CAPS2: variants seen among roughly 807,000 people sequenced by gnomAD.
The protein encoded by CAPS2 is calcyphosine 2.
In CAPS2, 98 loss-of-function variants were observed where a neutral mutation model predicts 86.5. That is an observed-to-expected ratio of 1.13 (90% confidence interval 0.96 to 1.34). The LOEUF is 1.34. CAPS2 is among the 40% of genes most tolerant of loss of function. The pLI is 0.00. For missense variants in CAPS2, 729 were observed against 686.8 expected (o/e 1.06, Z -0.69); for synonymous variants, 210 against 225.1 (o/e 0.93, Z 0.60).
intron 16 of CAPS2, 130 bp downstream of exon 16, chr12:75,282,121 G>C: frequency 6.2e-6 from 4 of 645,932 alleles, no homozygotes; most frequent in Non-Finnish European, 1.1e-5. Context: ...TAGTTCATAA[G>C]TTTCCAGTTC....
intron 1 of CAPS2, chr12:75,343,846 C>G (rs1176264366): frequency 1.2e-6 from 2 of 1,612,744 alleles, no homozygotes; most frequent in Middle Eastern, 1.6e-4. Flanking sequence ...GTCATTCACA[C>G]CAAGACATGC....
chr12:75,336,619 A>T (rs1262799160), intron 1 of CAPS2, among the ~76,000 whole-genome samples: 1 of 151,816 alleles, frequency 6.6e-6, no homozygotes, highest in Non-Finnish European at 1.5e-5. Flanking sequence ...GCAATCTTCA[A>T]TACAAATAAA....
intron 7 of CAPS2, chr12:75,305,490 C>G (rs1014926258): frequency 6.8e-6 from 4 of 586,428 alleles, no homozygotes; most frequent in Non-Finnish European, 1.3e-5. Context: ...ACTTTGCAGC[C>G]GAGGCCTCCA....
chr12:75,290,429 A>C (rs1232712842), intron 13 of CAPS2, among the ~76,000 whole-genome samples: 1 of 152,196 alleles, frequency 6.6e-6, no homozygotes. Context: ...TATTAGATAT[A>C]ATACATGAGA....
At chr12:75,377,562 G>C (rs1393748951) in intron 1 of CAPS2, among the ~76,000 whole-genome samples, 1 of 152,134 alleles carries the variant, frequency 6.6e-6, no homozygotes, top group Non-Finnish European at 1.5e-5. Flanking sequence ...GAAGAGGCGG[G>C]AGTCTGATGT....
intron 1 of CAPS2, among the ~76,000 whole-genome samples, chr12:75,361,445 C>A (rs758016708): frequency 6.6e-6 from 1 of 152,136 alleles, no homozygotes; most frequent in Non-Finnish European, 1.5e-5. Flanking sequence ...GGAACCCAAC[C>A]CTATCTGCCT....
chr12:75,305,568 G>A, intron 7 of CAPS2: 2 of 630,294 alleles, frequency 3.2e-6, no homozygotes, highest in Non-Finnish European at 3.0e-6. Context: ...TGGCAGAGCC[G>A]CAGAGCCCTC....
At chr12:75,310,720 C>T (rs762074633) in intron 7 of CAPS2, among the ~76,000 whole-genome samples, 2 of 152,084 alleles carry the variant, frequency 1.3e-5, no homozygotes, top group Non-Finnish European at 2.9e-5. Context: ...CTAATCTCAA[C>T]TGAACTAAGT....
chr12:75,276,517 AT>A, downstream of CAPS2: 1 of 975,452 alleles, frequency 1.0e-6, no homozygotes, highest in Non-Finnish European at 1.2e-6. Context: ...ATATATTTAT[AT>A]ACTATAAAAT....
Position 75,304,749 on chromosome 12 carries a change from C to A in CAPS2, c.779+8G>T. 1 of 1,565,522 alleles carries A rather than the reference C, an allele frequency of 6.4e-7. No individual in the cohort carries two copies. Among genetic ancestry groups the A allele is most frequent in the Non-Finnish European group, 8.7e-7 (1 of 1,148,472 alleles). On this transcript the variant is annotated splice_region_variant and intron_variant, in intron 8 of 16. Coordinates refer to ENST00000393284, the Ensembl canonical transcript of CAPS2. ...CATCCTCATTTTATGTAATTAAAATCTTCTTACTTTGTTTCATGTAGTGTT... is the reference window on the plus strand; with the variant it reads ...CATCCTCATTTTATGTAATTAAAATATTCTTACTTTGTTTCATGTAGTGTT...
At chr12:75,378,340 A>AT (rs2044771562) in intron 1 of CAPS2, among the ~76,000 whole-genome samples, 1 of 152,134 alleles carries the variant, frequency 6.6e-6, no homozygotes, top group South Asian at 2.1e-4. Context: ...GTAGTTTTAT[A>AT]TTTAAGTCTG....
intron 7 of CAPS2, among the ~76,000 whole-genome samples, chr12:75,311,702 AAAAAAAAAAC>A (rs1454544830): frequency 6.1e-5 from 1 of 16,460 alleles, no homozygotes; most frequent in East Asian, 2.2e-3. Flanking sequence ...CCATGCAGGA[AAAAAAAAAAC>A]AAAAAAAAAA....
chr12:75,369,280 T>C (rs2044196628), intron 1 of CAPS2, among the ~76,000 whole-genome samples: 1 of 151,968 alleles, frequency 6.6e-6, no homozygotes, highest in Non-Finnish European at 1.5e-5. Context: ...TTTTGTAGCA[T>C]TCATCGCTGA....
intron 1 of CAPS2, among the ~76,000 whole-genome samples, chr12:75,365,882 G>A (rs2043930769): frequency 6.6e-6 from 1 of 152,048 alleles, no homozygotes; most frequent in Admixed American, 6.6e-5. Context: ...AATACCAAAT[G>A]TCTTATTTAG....
Position 75,320,774 on chromosome 12 carries a change from T to C in CAPS2, c.468+626A>G, listed in dbSNP as rs937139803. Among the ~76,000 whole-genome samples the C allele has an allele frequency of 5.9e-5, 9 of 151,964 alleles. No homozygotes were observed. The East Asian group carries it at 1.5e-3, about 26-fold the overall frequency. On this transcript the variant is annotated intron_variant, in intron 5 of 16. Transcript: ENST00000393284. ...AAATTATCTTCTTTATGGCCACTAG[T>C]ATCATGTTTTTCAAATTATTCCTTC... is the stretch of plus-strand genomic sequence containing the variant.
At chr12:75,362,366 A>C (rs1318469394) in intron 1 of CAPS2, among the ~76,000 whole-genome samples, 3 of 152,154 alleles carry the variant, frequency 2.0e-5, no homozygotes, top group Non-Finnish European at 4.4e-5. Flanking sequence ...GCTGGGGACA[A>C]TGTGAGGGCC....
At chr12:75,307,133 G>C (rs1309916144) in intron 7 of CAPS2, among the ~76,000 whole-genome samples, 4 of 152,298 alleles carry the variant, frequency 2.6e-5, no homozygotes, top group African/African-American at 9.6e-5. Context: ...GCGATAATTA[G>C]CTGTGTAGCC....
intron 14 of CAPS2, among the ~76,000 whole-genome samples, chr12:75,288,885 A>G (rs1042258651): frequency 7.9e-5 from 12 of 152,180 alleles, no homozygotes; most frequent in African/African-American, 2.7e-4. Context: ...AGTGGCATGA[A>G]AAAAAATAAA....
chr12:75,303,471 A>C (rs572353826), intron 8 of CAPS2, among the ~76,000 whole-genome samples: 1 of 152,218 alleles, frequency 6.6e-6, no homozygotes, highest in African/African-American at 2.4e-5. Flanking sequence ...GGGAGGCAGC[A>C]TAAGGGGAGG....
Sources: allele counts gnomAD v4.1 joint callset (sites outside exome capture counted in the v4.1 genomes callset), GRCh38; gene constraint gnomAD v4.1.1; transcripts MANE v1.5; gene names NCBI Gene and HGNC (gene_info 2026-07-23, HGNC 2026-07-21).